PLCG2: variants seen among roughly 807,000 people sequenced by gnomAD.
The protein encoded by PLCG2 is phospholipase C gamma 2.
Under a neutral mutation model 175.6 loss-of-function variants are expected in PLCG2, and 69 were observed. That is an observed-to-expected ratio of 0.39 (90% confidence interval 0.32 to 0.48). PLCG2 has a LOEUF of 0.48. PLCG2 is among the 20% of genes least tolerant of loss of function. The pLI, the probability that PLCG2 is intolerant of heterozygous loss-of-function variation, is 0.91. For missense variants in PLCG2, 1,798 were observed against 1,650.9 expected (o/e 1.09, Z -1.54); for synonymous variants, 827 against 624.0 (o/e 1.33, Z -4.85).
chr16:81,753,211 C>G (rs1374672498), intron 1 of PLCG2, among the ~76,000 whole-genome samples: 1 of 152,116 alleles, frequency 6.6e-6, no homozygotes, highest in African/African-American at 2.4e-5. Context: ...GCAGGTGCAA[C>G]CAAGCTCAGG....
intron 31 of PLCG2, among the ~76,000 whole-genome samples, chr16:81,950,507 C>G (rs187096464): frequency 3.9e-5 from 6 of 152,278 alleles, no homozygotes; most frequent in Non-Finnish European, 8.8e-5. Context: ...TCAGCAAAGA[C>G]ATAATATCAA....
At chr16:81,929,354 C>T (rs990129555) in intron 24 of PLCG2, among the ~76,000 whole-genome samples, 1 of 152,208 alleles carries the variant, frequency 6.6e-6, no homozygotes, top group African/African-American at 2.4e-5. Context: ...CCAGGAACTT[C>T]CTGCTTCTAT....
At chr16:81,921,104 A>G in intron 20 of PLCG2, 94 bp from the exon 21 acceptor site, 1 of 722,150 alleles carries the variant, frequency 1.4e-6, no homozygotes, top group Non-Finnish European at 2.4e-6. Flanking sequence ...ATCAAAGGAT[A>G]GGTAACCATA....
chr16:81,952,356 T>C (rs1911400859), intron 31 of PLCG2, among the ~76,000 whole-genome samples: 1 of 152,162 alleles, frequency 6.6e-6, no homozygotes, highest in African/African-American at 2.4e-5. Context: ...GCTGAGTGCC[T>C]AGAACTTATG....
At chr16:81,946,142 T>C (rs1318692567) in intron 30 of PLCG2, 33 bp from the exon 31 acceptor site, 2 of 1,541,892 alleles carry the variant, frequency 1.3e-6, no homozygotes, top group East Asian at 4.5e-5. Context: ...ATTAATTACC[T>C]GCCTTTGCAT....
intron 2 of PLCG2, among the ~76,000 whole-genome samples, chr16:81,756,955 A>G (rs1909942031): frequency 6.6e-6 from 1 of 152,172 alleles, no homozygotes; most frequent in African/African-American, 2.4e-5. Flanking sequence ...ATGGGATTCC[A>G]GTGGTTCCTA....
intron 2 of PLCG2, among the ~76,000 whole-genome samples, chr16:81,792,822 AACG>A (rs2143207010): frequency 6.6e-6 from 1 of 152,254 alleles, no homozygotes; most frequent in East Asian, 1.9e-4. Flanking sequence ...GGATTATGGG[AACG>A]ACAATTTAAG....
intron 27 of PLCG2, 69 bp from the exon 28 acceptor site, chr16:81,937,689 G>C (rs1910770762): frequency 2.8e-6 from 4 of 1,416,662 alleles, no homozygotes; most frequent in African/African-American, 2.9e-5. Flanking sequence ...TCCCCACCTA[G>C]AAACTCCTGG....
intron 1 of PLCG2, among the ~76,000 whole-genome samples, chr16:81,744,705 G>T (rs1010701397): frequency 2.6e-5 from 4 of 152,058 alleles, no homozygotes; most frequent in African/African-American, 9.7e-5. Context: ...TTGAGTAGCT[G>T]GGTCTACAGG....
intron 7 of PLCG2, among the ~76,000 whole-genome samples, chr16:81,879,855 A>G (rs529083502): frequency 5.3e-5 from 8 of 152,328 alleles, no homozygotes; most frequent in African/African-American, 1.7e-4. Context: ...CCTCTTCATC[A>G]TGCAACAGTT....
intron 2 of PLCG2, among the ~76,000 whole-genome samples, chr16:81,829,481 G>T (rs988959095): frequency 6.6e-6 from 1 of 152,238 alleles, no homozygotes; most frequent in African/African-American, 2.4e-5. Flanking sequence ...GCCTCCCGAA[G>T]TGTTGGGATT....
At chr16:81,952,152 T>C (rs966066916) in intron 31 of PLCG2, among the ~76,000 whole-genome samples, 1 of 152,056 alleles carries the variant, frequency 6.6e-6, no homozygotes, top group Non-Finnish European at 1.5e-5. Flanking sequence ...CATAAAATCT[T>C]ATTAAAAAAC....
Position 81,960,258 on chromosome 16 carries a change from C to T in PLCG2, c.*2260C>T, listed in dbSNP as rs1911733772. 40 of 220,860 alleles carry T rather than the reference C, an allele frequency of 1.8e-4. No homozygotes were observed. The East Asian group carries it at 2.7e-3, about 15-fold the overall frequency. 13.7% of individuals were successfully genotyped at this position (220,860 alleles called of 1,614,324 possible). A position where few individuals can be genotyped will look rare whatever the true frequency, so the allele number is the denominator to read the frequency against. ...GAAAGGCACACATGGTATGATGGCT[C>T]TTCCCAGAGTCTATGTGATGCTACA... is the stretch of plus-strand genomic sequence containing the variant. On this transcript the variant is annotated 3_prime_UTR_variant, in exon 33 of 33. Transcript: ENST00000564138.
chr16:81,746,302 G>T (rs918173325), intron 1 of PLCG2, among the ~76,000 whole-genome samples: 2 of 152,200 alleles, frequency 1.3e-5, no homozygotes, highest in Non-Finnish European at 2.9e-5. Context: ...AGGGTGCCTT[G>T]AGTGCTTGAG....
At chr16:81,886,597 G>T (rs926065767) in intron 9 of PLCG2, among the ~76,000 whole-genome samples, 1 of 152,230 alleles carries the variant, frequency 6.6e-6, no homozygotes, top group Admixed American at 6.5e-5. Context: ...GTACGCCATA[G>T]TACAGCTCTG....
intron 17 of PLCG2, among the ~76,000 whole-genome samples, chr16:81,909,332 G>A (rs1027008522): frequency 6.6e-6 from 1 of 152,184 alleles, no homozygotes. Flanking sequence ...AGTCTGTGAG[G>A]AAGGCTCTGA....
chr16:81,819,113 C>G (rs1904682875), intron 2 of PLCG2, among the ~76,000 whole-genome samples: 1 of 152,010 alleles, frequency 6.6e-6, no homozygotes, highest in African/African-American at 2.4e-5. Flanking sequence ...GAGTTCAGAT[C>G]CACATTCTGG....
At chr16:81,863,807 C>G (rs1343124850) in intron 5 of PLCG2, among the ~76,000 whole-genome samples, 1 of 152,222 alleles carries the variant, frequency 6.6e-6, no homozygotes, top group African/African-American at 2.4e-5. Context: ...TCCCTTTGTC[C>G]TTTAGCCCTG....
At chr16:81,887,355 A>C (rs1284754522) in intron 9 of PLCG2, among the ~76,000 whole-genome samples, 2 of 152,008 alleles carry the variant, frequency 1.3e-5, no homozygotes, top group African/African-American at 2.4e-5. Flanking sequence ...TCCTGACCTC[A>C]TGATCCGCCC....
Sources: gnomAD v4.1 joint callset for allele counts (sites outside exome capture counted in the v4.1 genomes callset) on GRCh38, gnomAD v4.1.1 for gene constraint, MANE v1.5 for transcripts, NCBI Gene and HGNC (gene_info 2026-07-23, HGNC 2026-07-21) for gene names.